CTNNA2: variants seen among roughly 807,000 people sequenced by gnomAD.
CTNNA2 encodes the protein catenin alpha 2.
CTNNA2 carries 42 observed loss-of-function variants against 101.0 expected under a neutral mutation model. The observed-to-expected ratio is 0.42, with a 90% confidence interval of 0.32 to 0.54. CTNNA2 has a LOEUF of 0.54. CTNNA2 is among the 20% of genes least tolerant of loss of function. The pLI is 0.14. For synonymous variants in CTNNA2, 450 were observed against 456.4 expected (o/e 0.99, Z 0.18); for missense variants, 871 against 1,223.1 (o/e 0.71, Z 4.29).
intron 7 of CTNNA2, among the ~76,000 whole-genome samples, chr2:80,372,773 T>C (rs1006991618): frequency 1.5e-4 from 23 of 152,118 alleles, no homozygotes; most frequent in African/African-American, 5.3e-4. Flanking sequence ...TTTTAATTAC[T>C]TTAAAAATTA....
At chr2:79,687,178 AATAAAATGTAAAGACCCCTTGGTG>A (rs1683986780) in intron 2 of CTNNA2, among the ~76,000 whole-genome samples, 1 of 152,092 alleles carries the variant, frequency 6.6e-6, no homozygotes, top group East Asian at 1.9e-4. Flanking sequence ...GTGTTGGTTG[AATAAAATGTAAAGACCCCTTGGTG>A]AGAGAATATG....
At chr2:80,024,057 A>G (rs1178058386) in intron 7 of CTNNA2, among the ~76,000 whole-genome samples, 4 of 149,616 alleles carry the variant, frequency 2.7e-5, no homozygotes, top group African/African-American at 4.9e-5. Context: ...ACTGCACTTC[A>G]GCCTGGGCGA....
chr2:80,626,167 A>C (rs1671663358), intron 18 of CTNNA2, among the ~76,000 whole-genome samples: 1 of 152,130 alleles, frequency 6.6e-6, no homozygotes, highest in East Asian at 1.9e-4. Context: ...TGTATTAAAA[A>C]TTTGTATATA....
chr2:79,349,563 G>A (rs910203384), intron 3 of CTNNA2, among the ~76,000 whole-genome samples: 4 of 152,118 alleles, frequency 2.6e-5, no homozygotes, highest in Non-Finnish European at 5.9e-5. Context: ...AATATAAATG[G>A]AAAGATAATT....
chr2:80,439,241 G>A (rs898754571), intron 9 of CTNNA2, among the ~76,000 whole-genome samples: 22 of 152,206 alleles, frequency 1.4e-4, no homozygotes, highest in East Asian at 1.4e-3. Context: ...GACAAAGACC[G>A]TCGGGAAAAA....
At chr2:80,345,981 G>A (rs1281774284) in intron 7 of CTNNA2, among the ~76,000 whole-genome samples, 1 of 152,100 alleles carries the variant, frequency 6.6e-6, no homozygotes, top group Non-Finnish European at 1.5e-5. Flanking sequence ...AGGGCATAAG[G>A]AGAAAATAAT....
intron 7 of CTNNA2, chr2:80,298,769 C>T (rs1439545073): frequency 6.6e-6 from 1 of 152,194 alleles, no homozygotes; most frequent in African/African-American, 2.4e-5. Context: ...TTTCCTTTTA[C>T]TGGAATAACC....
chr2:79,449,491 T>C (rs1302239656), intron 4 of CTNNA2, among the ~76,000 whole-genome samples: 1 of 151,944 alleles, frequency 6.6e-6, no homozygotes, highest in Non-Finnish European at 1.5e-5. Context: ...CAAGAAATAC[T>C]CATTCAAATA....
intron 9 of CTNNA2, among the ~76,000 whole-genome samples, chr2:80,421,821 C>A (rs1016834821): frequency 8.5e-5 from 12 of 140,866 alleles, no homozygotes; most frequent in African/African-American, 2.5e-4. Context: ...AAAAAAAAAA[C>A]CCAAACTTGA....
intron 9 of CTNNA2, among the ~76,000 whole-genome samples, chr2:80,508,742 T>C (rs1573075832): frequency 6.6e-6 from 1 of 151,542 alleles, no homozygotes; most frequent in Non-Finnish European, 1.5e-5. Flanking sequence ...ACCACTGACC[T>C]CCTCATACAG....
intron 2 of CTNNA2, among the ~76,000 whole-genome samples, chr2:79,274,315 G>A (rs1391916828): frequency 6.6e-6 from 1 of 151,986 alleles, no homozygotes; most frequent in Non-Finnish European, 1.5e-5. Flanking sequence ...TGAATTGTCT[G>A]TGGGCATACA....
chr2:80,326,237 T>G (rs894141511), intron 7 of CTNNA2, among the ~76,000 whole-genome samples: 2 of 152,192 alleles, frequency 1.3e-5, no homozygotes, highest in African/African-American at 4.8e-5. Context: ...TCTATATATT[T>G]TCTACATTAT....
intron 8 of CTNNA2, among the ~76,000 whole-genome samples, chr2:80,399,904 T>C (rs934387717): frequency 1.3e-5 from 2 of 152,216 alleles, no homozygotes; most frequent in Non-Finnish European, 2.9e-5. Context: ...GATTGTTTCA[T>C]AGAATGCCCT....
chr2:79,585,375 C>T (rs746553589), intron 1 of CTNNA2, among the ~76,000 whole-genome samples: 2 of 152,042 alleles, frequency 1.3e-5, no homozygotes, highest in African/African-American at 2.4e-5. Flanking sequence ...ATAACACTTC[C>T]AAGACAATGT....
chr2:80,594,560 T>TA (rs1696784073), intron 15 of CTNNA2, among the ~76,000 whole-genome samples: 1 of 152,088 alleles, frequency 6.6e-6, no homozygotes, highest in Non-Finnish European at 1.5e-5. Flanking sequence ...TTTGGTGTCA[T>TA]ATGCAAGAAA....
chr2:80,030,267 G>T (rs74659940), intron 7 of CTNNA2, among the ~76,000 whole-genome samples: 1 of 151,418 alleles, frequency 6.6e-6, no homozygotes, highest in African/African-American at 2.4e-5. Flanking sequence ...GAAAAAAACT[G>T]CTAAGTGTCT....
chr2:80,480,100 C>T (rs1686035461), intron 9 of CTNNA2, among the ~76,000 whole-genome samples: 1 of 151,804 alleles, frequency 6.6e-6, no homozygotes, highest in Non-Finnish European at 1.5e-5. Flanking sequence ...ATCATATGCC[C>T]AATAAAAAAT....
At chr2:80,238,810 G>C (rs1193999732) in intron 7 of CTNNA2, among the ~76,000 whole-genome samples, 2 of 152,092 alleles carry the variant, frequency 1.3e-5, no homozygotes, top group African/African-American at 4.8e-5. Context: ...GAAACATCCG[G>C]AATTGTCTCT....
intron 7 of CTNNA2, among the ~76,000 whole-genome samples, chr2:80,096,062 C>T (rs1700127557): frequency 6.6e-6 from 1 of 151,874 alleles, no homozygotes; most frequent in Middle Eastern, 3.4e-3. Flanking sequence ...AATGTGTTTG[C>T]TCTTGCTTCT....
Sources: allele counts gnomAD v4.1 joint callset (sites outside exome capture counted in the v4.1 genomes callset), GRCh38; gene constraint gnomAD v4.1.1; transcripts MANE v1.5; gene names NCBI Gene and HGNC (gene_info 2026-07-23, HGNC 2026-07-21).